The following ME2 variants were observed in gnomAD, a reference collection of about 807,000 sequenced individuals.
The protein encoded by ME2 is NAD-dependent malic enzyme, mitochondrial.
ME2 carries 60 observed loss-of-function variants against 73.7 expected under a neutral mutation model. That is an observed-to-expected ratio of 0.81 (90% confidence interval 0.66 to 1.01). The LOEUF (loss-of-function observed/expected upper bound fraction) is 1.01, where lower values mean the gene tolerates loss of function less well. ME2 is among the 50% of genes least tolerant of loss of function. The probability of loss-of-function intolerance (pLI) is 0.00; values close to 1 mark genes in which losing one functional copy is unlikely to be tolerated. For synonymous variants in ME2, 199 were observed against 236.9 expected (o/e 0.84, Z 1.47); for missense variants, 594 against 705.5 (o/e 0.84, Z 1.79).
intron 7 of ME2, among the ~76,000 whole-genome samples, chr18:50,919,940 C>A (rs1184060328): frequency 1.3e-5 from 2 of 151,974 alleles, no homozygotes; most frequent in Non-Finnish European, 2.9e-5. Context: ...TAACAGCCTG[C>A]TTTTCTTCCT....
At chr18:50,888,272 G>A (rs1420502006) in intron 1 of ME2, among the ~76,000 whole-genome samples, 1 of 151,452 alleles carries the variant, frequency 6.6e-6, no homozygotes, top group Non-Finnish European at 1.5e-5. Context: ...TTGAGCCCCC[G>A]AGGTCGAGGC....
At chr18:50,934,448 A>G in intron 13 of ME2, 1 of 152,176 alleles carries the variant, frequency 6.6e-6, no homozygotes, top group Non-Finnish European at 1.5e-5. Context: ...GAAGTTTGAC[A>G]CCAGCCTGGG....
At chr18:50,908,283 C>G (rs1917064341) in intron 3 of ME2, 87 bp downstream of exon 3, 10 of 945,134 alleles carry the variant, frequency 1.1e-5, no homozygotes, top group Non-Finnish European at 1.5e-5. Flanking sequence ...ATGAGAAATA[C>G]ACAATCTTAT....
chr18:50,937,278 G>T (rs1917839953), intron 13 of ME2, among the ~76,000 whole-genome samples: 1 of 152,138 alleles, frequency 6.6e-6, no homozygotes, highest in Admixed American at 6.5e-5. Context: ...AGGTAATCTG[G>T]TGACTACCCT....
intron 7 of ME2, 102 bp downstream of exon 7, chr18:50,918,315 A>G (rs1010255880): frequency 1.5e-6 from 1 of 651,340 alleles, no homozygotes; most frequent in Non-Finnish European, 2.5e-6. Context: ...TCCTGTGTAG[A>G]TAAGCAGGAG....
At chr18:50,916,472 C>T (rs753372737) in intron 5 of ME2, 60 of 382,560 alleles carry the variant, frequency 1.6e-4, no homozygotes, top group Non-Finnish European at 2.7e-4. Context: ...ACAAGGTGAG[C>T]CCTCTCGGTA....
In ME2 at chr18:50,948,065, CAT is replaced by C. The variant is rs1175832811; in HGVS notation, c.*884_*885del. 6.6e-6 allele frequency: 1 copy of C among 152,138 alleles called. No homozygotes were observed. Among genetic ancestry groups the C allele is most frequent in the Non-Finnish European group, 1.5e-5 (1 of 68,030 alleles). The allele number at this position is 152,138 out of a possible 1,614,324, so 9.4% of individuals were successfully genotyped here. A position where few individuals can be genotyped will look rare whatever the true frequency, so the allele number is the denominator to read the frequency against. ...AGTCATGCTTCACATCAAAATGAGT[CAT>C]ATTTAACTGGAGAAACTATGCCCTT... is the stretch of plus-strand genomic sequence containing the variant. On this transcript the variant is annotated 3_prime_UTR_variant, in exon 16 of 16. Transcript: ENST00000321341.
intron 13 of ME2, among the ~76,000 whole-genome samples, chr18:50,938,408 T>C (rs954718680): frequency 3.3e-5 from 5 of 152,168 alleles, no homozygotes; most frequent in African/African-American, 7.2e-5. Context: ...TGAACTCAGA[T>C]TGATGCTTCT....
chr18:50,907,924 C>T, intron 2 of ME2, 139 bp from the exon 3 acceptor site: 1 of 593,094 alleles, frequency 1.7e-6, no homozygotes, highest in Non-Finnish European at 2.9e-6. Flanking sequence ...TGACATCAGT[C>T]TTACAAAGTT....
rs1049962773 is a variant in ME2 at position 50,926,771 on chromosome 18, C to T, written c.1314+873C>T. ...TTTGCAGATTCTCTGTTCAGCTGTGCTCATCTGTTGTTAGGTTCTTAATTT... is the reference window on the plus strand; with the variant it reads ...TTTGCAGATTCTCTGTTCAGCTGTGTTCATCTGTTGTTAGGTTCTTAATTT... On this transcript the variant is annotated intron_variant, in intron 12 of 15. Transcript: ENST00000321341. Among the ~76,000 whole-genome samples the T allele has an allele frequency of 3.9e-5, 6 of 152,146 alleles. No homozygotes were observed. In the East Asian group the frequency reaches 7.7e-4, roughly 19 times the overall value.
rs1362536008 is a variant in ME2 at position 50,910,453 on chromosome 18, A to G, written c.242+2257A>G. ...GACCCTGTCTCAGAAAAAAAAAAAAAAAAAGAAAAAGGCTAAACAAGAGCA... is the reference window on the plus strand; with the variant it reads ...GACCCTGTCTCAGAAAAAAAAAAAAGAAAAGAAAAAGGCTAAACAAGAGCA... On this transcript the variant is annotated intron_variant, in intron 3 of 15. Transcript: ENST00000321341. 2.0e-5 allele frequency among the ~76,000 whole-genome samples: 3 copies of G among 151,394 alleles called. No homozygotes were observed. The Admixed American group carries it at 2.0e-4, about 10-fold the overall frequency.
Position 50,909,429 on chromosome 18 carries a change from A to G in ME2, c.242+1233A>G, listed in dbSNP as rs148940170. Among the ~76,000 whole-genome samples, 72 of 152,332 alleles carry G rather than the reference A, an allele frequency of 4.7e-4. 1 individual carries two copies. The East Asian group carries it at 9.1e-3, about 19-fold the overall frequency. On this transcript the variant is annotated intron_variant, in intron 3 of 15. Coordinates refer to ENST00000321341, the MANE Select transcript of ME2 (RefSeq NM_002396.5). ...TTCTGAGAGCATGCAGAGGGCATCT[A>G]GCTCAACTTGGGGAATCAGATAAAA...
At chr18:50,913,083 G>T in intron 4 of ME2, 133 bp downstream of exon 4, 1 of 641,288 alleles carries the variant, frequency 1.6e-6, no homozygotes, top group Non-Finnish European at 2.5e-6. Context: ...ACGTAATTTT[G>T]ATTAAAAGAG....
chr18:50,933,025 G>A (rs543077931), intron 13 of ME2: 6 of 152,204 alleles, frequency 3.9e-5, no homozygotes, highest in Non-Finnish European at 5.9e-5. Context: ...GCTTAATATC[G>A]TTTATCATTA....
rs189375730 is a variant in ME2 at position 50,909,813 on chromosome 18, G to A, written c.242+1617G>A. Among the ~76,000 whole-genome samples, 22 of 152,302 alleles carry A rather than the reference G, an allele frequency of 1.4e-4. No individual in the cohort carries two copies. The East Asian group carries it at 4.0e-3, about 28-fold the overall frequency. ...GTTTCATCGTAGTTAGGAGGAATGA[G>A]CCCAGGAGAAAGGATAATTGTTAGA... On this transcript the variant is annotated intron_variant, in intron 3 of 15. Coordinates refer to ENST00000321341, the MANE Select transcript of ME2 (RefSeq NM_002396.5).
chr18:50,911,890 G>A (rs942231925), intron 3 of ME2, among the ~76,000 whole-genome samples: 2 of 152,180 alleles, frequency 1.3e-5, no homozygotes, highest in Non-Finnish European at 2.9e-5. Context: ...ATGAATTGGA[G>A]CGTAGGAGGA....
chr18:50,944,386 G>GC (rs1918036222), intron 15 of ME2, among the ~76,000 whole-genome samples: 1 of 152,148 alleles, frequency 6.6e-6, no homozygotes, highest in Non-Finnish European at 1.5e-5. Context: ...CAGTGGCATA[G>GC]GCTTTTCTTT....
intron 13 of ME2, chr18:50,939,128 C>CA (rs373819939): frequency 0.011 from 638 of 57,546 alleles, 3 homozygotes; most frequent in South Asian, 0.043. Flanking sequence ...TAAGAGAAGG[C>CA]AAAAAAAAAA....
chr18:50,939,690 G>A (rs763161375), intron 14 of ME2, 50 bp downstream of exon 14: 3 of 1,246,694 alleles, frequency 2.4e-6, no homozygotes, highest in Non-Finnish European at 1.2e-6. Flanking sequence ...TTATAAAGAT[G>A]AGTAGATCTG....
Sources: allele counts gnomAD v4.1 joint callset (sites outside exome capture counted in the v4.1 genomes callset), GRCh38; gene constraint gnomAD v4.1.1; transcripts MANE v1.5; gene names NCBI Gene and HGNC (gene_info 2026-07-23, HGNC 2026-07-21).